The following RBFA variants were observed in gnomAD, a reference collection of about 807,000 sequenced individuals.
RBFA encodes ribosome binding factor A.
RBFA carries 16 observed loss-of-function variants against 27.9 expected under a neutral mutation model. The ratio of observed to expected loss-of-function variants is 0.57; its 90% CI spans 0.39 to 0.87. RBFA has a LOEUF of 0.87. Ranked by LOEUF, RBFA falls within the 40% of genes least tolerant of loss-of-function variation. RBFA has a pLI of 0.00. For missense variants in RBFA, 456 were observed against 432.1 expected (o/e 1.06, Z -0.49); for synonymous variants, 181 against 181.0 (o/e 1.00, Z 0.00).
At chr18:80,037,276 G>A (rs1345669917) in intron 2 of RBFA, 54 bp from the exon 3 acceptor site, 34 of 1,521,850 alleles carry the variant, frequency 2.2e-5, no homozygotes, top group Non-Finnish European at 2.9e-5. Context: ...GTGTGACTTG[G>A]TGAGTTTGGA....
chr18:80,045,751 T>G (rs757909339), intron 6 of RBFA, 23 bp from the exon 7 acceptor site: 2 of 1,509,466 alleles, frequency 1.3e-6, no homozygotes, highest in East Asian at 4.6e-5. Context: ...GTGCTTGGTG[T>G]GAAGCCTCTT....
intron 4 of RBFA, 52 bp downstream of exon 4, chr18:80,038,669 T>A: frequency 7.5e-7 from 1 of 1,340,728 alleles, no homozygotes. Context: ...TACCCTAAAT[T>A]TCTCAGCTGT....
chr18:80,043,676 G>A (rs2052031578), intron 5 of RBFA, among the ~76,000 whole-genome samples: 1 of 152,222 alleles, frequency 6.6e-6, no homozygotes, highest in African/African-American at 2.4e-5. Context: ...GCAGGGTTCG[G>A]GTGGAATGCA....
At chr18:80,038,356 C>T (rs1316781622) in intron 3 of RBFA, 149 bp from the exon 4 acceptor site, 10 of 590,972 alleles carry the variant, frequency 1.7e-5, no homozygotes, top group Middle Eastern at 9.6e-4. Flanking sequence ...GGACATGGTG[C>T]GGCAGCAGGA....
At position 80,037,408 on chromosome 18, in the gene RBFA, AG is replaced by A; in HGVS notation, c.283del (p.Ala95ProfsTer2). The A allele has an allele frequency of 1.2e-6, 2 of 1,614,122 alleles. No individual in the cohort carries two copies. Among genetic ancestry groups the A allele is most frequent in the Non-Finnish European group, 1.7e-6 (2 of 1,180,006 alleles). ...CAGGAAGGAAGACCATGCGCGCCTG[AG>A]GGCCCTGAACGGCCTCCTCTATAAG... ...KTRKEDHARL[R>X]ALNGLLYKAL... On this transcript the variant is annotated frameshift_variant, in exon 3 of 7. Transcript: ENST00000306735. LOFTEE classifies it high-confidence loss of function.
Position 80,034,479 on chromosome 18 carries a change from G to T in RBFA, c.-17G>T, listed in dbSNP as rs777794101. ...GCCCGTTGTCTCCCTGCTCGCTCCG[G>T]GTCCCGGCGCCGCGCCATGTGGGCT... On this transcript the variant is annotated 5_prime_UTR_variant, in exon 1 of 7. Coordinates refer to ENST00000306735, the MANE Select transcript of RBFA (RefSeq NM_024805.3). 1 of 1,513,552 alleles carries T rather than the reference G, an allele frequency of 6.6e-7. No individual in the cohort carries two copies. Among genetic ancestry groups the T allele is most frequent in the South Asian group, 1.3e-5 (1 of 78,770 alleles). The allele number at this position is 1,513,552 out of a possible 1,614,324, so 93.8% of individuals were successfully genotyped here.
intron 4 of RBFA, among the ~76,000 whole-genome samples, chr18:80,040,239 A>ATTTT (rs71338083): frequency 1.6e-4 from 15 of 91,436 alleles, no homozygotes; most frequent in East Asian, 4.5e-4. Flanking sequence ...GGAGGCCTGA[A>ATTTT]TTTTTTTTTT....
rs71338083 is a variant in RBFA at position 80,040,239 on chromosome 18, A to ATTTTTTTTTTTTTTTTTTTTTTT, written c.491+1641_491+1642insTTTTTTTTTTTTTTTTTTTTTTT. Reference sequence around the variant, plus strand: ...TCCAACACATAACTGGGAGGCCTGAATTTTTTTTTTTTTTTTTTTGCTTTT... The same window carrying ATTTTTTTTTTTTTTTTTTTTTTT: ...TCCAACACATAACTGGGAGGCCTGAATTTTTTTTTTTTTTTTTTTTTTTTTTTTTTTTTTTTTTTTTTGCTTTT... On this transcript the variant is annotated intron_variant, in intron 4 of 6. Coordinates refer to ENST00000306735, the MANE Select transcript of RBFA (RefSeq NM_024805.3). Among the ~76,000 whole-genome samples, 43 of 91,440 alleles carry ATTTTTTTTTTTTTTTTTTTTTTT rather than the reference A, an allele frequency of 4.7e-4. 1 individual carries two copies. Among genetic ancestry groups the ATTTTTTTTTTTTTTTTTTTTTTT allele is most frequent in the Admixed American group, 6.6e-4 (4 of 6,104 alleles). 60.0% of individuals were successfully genotyped at this position (91,440 alleles called of 152,430 possible). A position where few individuals can be genotyped will look rare whatever the true frequency, so the allele number is the denominator to read the frequency against.
At chr18:80,042,416 C>T (rs1315129559) in intron 5 of RBFA, among the ~76,000 whole-genome samples, 197 bp downstream of exon 5, 3 of 151,864 alleles carry the variant, frequency 2.0e-5, no homozygotes, top group South Asian at 2.1e-4. Context: ...ATAACATAAA[C>T]GCTTATATGA....
Position 80,048,379 on chromosome 18 carries a change from G to C in RBFA, c.*2224G>C, listed in dbSNP as rs1184335760. 2.0e-5 allele frequency among the ~76,000 whole-genome samples: 3 copies of C among 152,198 alleles called. No homozygotes were observed. Among genetic ancestry groups the C allele is most frequent in the Non-Finnish European group, 4.4e-5 (3 of 68,030 alleles). On this transcript the variant is annotated 3_prime_UTR_variant, in exon 7 of 7. Coordinates refer to ENST00000306735, the MANE Select transcript of RBFA (RefSeq NM_024805.3). The stretch of plus-strand genomic sequence containing the variant: ...TTGGGAAAGGTGTTAAAGAAGGAGA[G>C]AACGCCCTCAATGGTGTGTCCTTTG...
chr18:80,046,314 C>T lies in RBFA; in HGVS notation c.*159C>T. ...GTGTATCTAAACACAATTTGCTACA[C>T]AAGTCACTGTTTTTTTTTCCATGCA... On this transcript the variant is annotated 3_prime_UTR_variant, in exon 7 of 7. Coordinates refer to ENST00000306735, the MANE Select transcript of RBFA (RefSeq NM_024805.3). 1 of 797,720 alleles carries T rather than the reference C, an allele frequency of 1.3e-6. No homozygotes were observed. The highest frequency in any genetic ancestry group is 2.0e-6 in the Non-Finnish European group (1 of 511,030). 49.4% of individuals were successfully genotyped at this position (797,720 alleles called of 1,614,324 possible).
chr18:80,045,945 G>T lies in RBFA; in HGVS notation c.822G>T (p.Gln274His), dbSNP rs747001653. ...GGCAGGTGGCTGAGCTGACAACGCA[G>T]ATGAAAAAGGGAAGGAAGAGGGCCA... ...WQGQVAELTT[Q>H]MKKGRKRAKP... is the part of the protein sequence containing the mutation. The change falls in exon 7 of 7, where the codon CAG (glutamine) becomes CAT (histidine). Residue 274 changes from glutamine (Q) to histidine (H), a missense_variant. Gln to His is a conservative substitution (Grantham distance 24). Transcript: ENST00000306735. The T allele has an allele frequency of 3.1e-6, 5 of 1,614,052 alleles. No homozygotes were observed. The highest frequency in any genetic ancestry group is 4.2e-6 in the Non-Finnish European group (5 of 1,180,004).
chr18:80,038,442 ATGT>A (rs950108387), intron 3 of RBFA, 60 bp from the exon 4 acceptor site: 128 of 1,130,716 alleles, frequency 1.1e-4, no homozygotes, highest in African/African-American at 1.1e-3. Flanking sequence ...CATCTCCTGG[ATGT>A]TGTTTGTCTT....
At position 80,038,494 on chromosome 18, in the gene RBFA, C is replaced by G. The variant is rs766137224; in HGVS notation, c.379-11C>G. 6.3e-7 allele frequency: 1 copy of G among 1,584,382 alleles called. No individual in the cohort carries two copies. Among genetic ancestry groups the G allele is most frequent in the South Asian group, 1.1e-5 (1 of 89,510 alleles). On this transcript the variant is annotated splice_polypyrimidine_tract_variant and intron_variant, in intron 3 of 6. Coordinates refer to ENST00000306735, the MANE Select transcript of RBFA (RefSeq NM_024805.3). ...AGCTAAAAAGTGACCTGTGGAGGGG[C>G]GGGGTCTCAGGTTTCCCTGACTCCA...
chr18:80,039,876 T>A (rs1464975726), intron 4 of RBFA, among the ~76,000 whole-genome samples: 2 of 152,060 alleles, frequency 1.3e-5, no homozygotes, highest in East Asian at 1.9e-4. Flanking sequence ...GACAGGTTGG[T>A]TGGGTGTGGT....
chr18:80,034,532 G>C lies in RBFA; in HGVS notation c.37G>C (p.Ala13Pro). The change falls in exon 1 of 7, where the codon GCG (alanine) becomes CCG (proline). Residue 13 changes from alanine (A) to proline (P), a missense_variant. Transcript: ENST00000306735. ...GGCGGGCGGGCTGTGGCGCTCCCGC[G>C]CGGGTCTCCGGGCCCTGTTCCGTAG... ...AAAGGLWRSR[A>P]GLRALFRSRD... 2 of 1,589,190 alleles carry C rather than the reference G, an allele frequency of 1.3e-6. No homozygotes were observed. Among genetic ancestry groups the C allele is most frequent in the Non-Finnish European group, 8.5e-7 (1 of 1,172,690 alleles).
chr18:80,039,777 A>G (rs1042295116), intron 4 of RBFA, among the ~76,000 whole-genome samples: 28 of 152,204 alleles, frequency 1.8e-4, no homozygotes, highest in Admixed American at 5.9e-4. Context: ...TTGTTTTCCA[A>G]ATGACCAGTG....
rs778593084 is a variant in RBFA at position 80,046,035 on chromosome 18, C to T, written c.912C>T (p.Asp304=). 1.9e-5 allele frequency: 30 copies of T among 1,613,994 alleles called. No homozygotes were observed. The highest frequency in any genetic ancestry group is 5.5e-5 in the South Asian group (5 of 91,086). Reference sequence around the variant, plus strand: ...TGTCAGGCGAGGAGGTTGAAGATGACCTGGACCTGGTTGGTGCCCCGGAGT... The same window carrying T: ...TGTCAGGCGAGGAGGTTGAAGATGATCTGGACCTGGTTGGTGCCCCGGAGT... ...SYLSGEEVED[D]LDLVGAPEYE... is the part of the protein sequence containing the mutation. The change falls in exon 7 of 7, where the codon GAC becomes GAT. Residue 304 remains aspartate, a synonymous_variant. Transcript: ENST00000306735.
chr18:80,036,503 C>T (rs891098180), intron 1 of RBFA, among the ~76,000 whole-genome samples, 165 bp from the exon 2 acceptor site: 2 of 152,192 alleles, frequency 1.3e-5, no homozygotes, highest in African/African-American at 4.8e-5. Flanking sequence ...TTCCCCACAA[C>T]CCATGTTGTT....
Sources: gnomAD v4.1 joint callset for allele counts (sites outside exome capture counted in the v4.1 genomes callset) on GRCh38, gnomAD v4.1.1 for gene constraint, MANE v1.5 for transcripts, NCBI Gene and HGNC (gene_info 2026-07-23, HGNC 2026-07-21) for gene names.